Variants in DOCK9 observed in about 807,000 individuals in gnomAD.
DOCK9 encodes the protein dedicator of cytokinesis protein 9.
A neutral mutation model predicts 263.3 loss-of-function variants in DOCK9; 89 were observed. The observed-to-expected ratio is 0.34, with a 90% CI of 0.28 to 0.40. The LOEUF (loss-of-function observed/expected upper bound fraction) is 0.40, where lower values mean the gene tolerates loss of function less well. DOCK9 is among the 10% of genes least tolerant of loss of function. The probability of loss-of-function intolerance (pLI) is 1.00; values close to 1 mark genes in which losing one functional copy is unlikely to be tolerated. For missense variants in DOCK9, 2,140 were observed against 2,603.4 expected (o/e 0.82, Z 3.87); for synonymous variants, 976 against 973.1 (o/e 1.00, Z -0.06).
At position 98,886,524 on chromosome 13, in the gene DOCK9, T is replaced by C. The variant is rs2045715802; in HGVS notation, c.2136+8A>G. ...CAAATTCGGTTTTCCCTTAAAAACA[T>C]CACTTACCTCATCATAAAATTCTGG... On this transcript the variant is annotated splice_region_variant and intron_variant, in intron 19 of 52. Coordinates refer to ENST00000682017, the MANE Select transcript of DOCK9 (RefSeq NM_001366683.2). The C allele has an allele frequency of 6.2e-7, 1 of 1,613,142 alleles. No homozygotes were observed. The highest frequency in any genetic ancestry group is 8.5e-7 in the Non-Finnish European group (1 of 1,179,294).
At chr13:98,996,272 A>G (rs1228834470) in intron 1 of DOCK9, among the ~76,000 whole-genome samples, 3 of 152,114 alleles carry the variant, frequency 2.0e-5, no homozygotes, top group Non-Finnish European at 2.9e-5. Context: ...AATTACCACA[A>G]CCCATCCTTC....
At chr13:99,008,911 T>C (rs1216040049) in intron 1 of DOCK9, among the ~76,000 whole-genome samples, 1 of 152,220 alleles carries the variant, frequency 6.6e-6, no homozygotes, top group Non-Finnish European at 1.5e-5. Context: ...GGGTTAGAGC[T>C]TCAACATATG....
rs1286769701 is a variant in DOCK9, at chr13:98,867,430, T to C, written c.3281A>G (p.Tyr1094Cys). 5 of 1,562,196 alleles carry C rather than the reference T, an allele frequency of 3.2e-6. No individual in the cohort carries two copies. The highest frequency in any genetic ancestry group is 4.4e-6 in the Non-Finnish European group (5 of 1,136,070). The change falls in exon 30 of 53, where the codon TAC becomes TGC. Residue 1094 changes from tyrosine to cysteine, a missense_variant. Tyr to Cys is a radical substitution (Grantham distance 194, BLOSUM62 -2). Transcript: ENST00000682017. ...MPFGKGRIQR[Y>C]QDLQLDYSLT... The stretch of plus-strand genomic sequence containing the variant: ...TAGAAATAAAGATGGATTACCTTGG[T>C]ATCTTTGAATCCTGCCTTTTCCAAA...
chr13:98,906,486 G>A (rs748417413), intron 9 of DOCK9, among the ~76,000 whole-genome samples: 64 of 152,148 alleles, frequency 4.2e-4, no homozygotes, highest in Admixed American at 7.2e-4. Context: ...GTCAGTCTGA[G>A]CTCTCCACTA....
At chr13:98,831,574 C>T in intron 40 of DOCK9, 44 bp from the exon 41 acceptor site, 1 of 1,591,492 alleles carries the variant, frequency 6.3e-7, no homozygotes, top group Non-Finnish European at 8.6e-7. Context: ...ACAGACAGGT[C>T]AGTGCTCGGT....
At chr13:98,950,432 G>A in intron 2 of DOCK9, 1 of 696,606 alleles carries the variant, frequency 1.4e-6, no homozygotes, top group Non-Finnish European at 2.5e-6. Context: ...ATTTTTCTTT[G>A]CTCTTGCTCT....
intron 1 of DOCK9, among the ~76,000 whole-genome samples, chr13:99,072,747 T>C (rs965356691): frequency 1.3e-5 from 2 of 152,186 alleles, no homozygotes; most frequent in African/African-American, 2.4e-5. Context: ...ACATATGTAA[T>C]CCTGGCACTT....
At chr13:98,915,609 CA>C in intron 7 of DOCK9, 106 bp from the exon 8 acceptor site, 7 of 1,144,482 alleles carry the variant, frequency 6.1e-6, no homozygotes, top group Non-Finnish European at 7.2e-6. Context: ...CATTTAGAAC[CA>C]AGCTATTTTA....
chr13:98,852,832 T>C (rs1050811744), intron 35 of DOCK9, among the ~76,000 whole-genome samples: 2 of 152,274 alleles, frequency 1.3e-5, no homozygotes, highest in African/African-American at 4.8e-5. Flanking sequence ...TTCATAGTTC[T>C]GCTCATTCTT....
chr13:98,925,858 C>T lies in DOCK9; in HGVS notation c.395G>A (p.Gly132Glu), dbSNP rs867009890. 1.3e-6 allele frequency: 2 copies of T among 1,577,152 alleles called. No individual in the cohort carries two copies. The highest frequency in any genetic ancestry group is 1.7e-6 in the Non-Finnish European group (2 of 1,160,360). The change falls in exon 4 of 53, where the codon GGA becomes GAA. Residue 132 changes from glycine (G) to glutamate (E), a missense_variant. Physicochemically the swap from Gly to Glu is moderately conservative, Grantham distance 98. Around this residue, in one of 2 missense-constraint regions of DOCK9, gnomAD observed 1,521 missense variants for 1,741.7 expected, o/e 0.87. Transcript: ENST00000682017. ...LVNYKYEDYS[G>E]EFRQLPNKVV... Reference sequence around the variant, plus strand: ...TCACTTCGGAAGCTGTCGAAACTCTCCTGAGTAATCTTCATATTTATAGTT... The same window carrying T: ...TCACTTCGGAAGCTGTCGAAACTCTTCTGAGTAATCTTCATATTTATAGTT...
chr13:98,959,795 C>A (rs2058438024), intron 1 of DOCK9, among the ~76,000 whole-genome samples: 1 of 152,152 alleles, frequency 6.6e-6, no homozygotes. Flanking sequence ...GCTTGGGAGA[C>A]TTGGAGGTGG....
intron 27 of DOCK9, chr13:98,872,000 C>A (rs1020505088): frequency 6.6e-6 from 1 of 152,658 alleles, no homozygotes; most frequent in South Asian, 2.1e-4. Context: ...CCCCTGTGGA[C>A]GCTGCGGTTA....
chr13:98,932,159 G>A (rs2054055905), intron 2 of DOCK9, among the ~76,000 whole-genome samples: 1 of 152,116 alleles, frequency 6.6e-6, no homozygotes, highest in African/African-American at 2.4e-5. Flanking sequence ...TTGGGAGGCT[G>A]AGGTGGGTGG....
intron 7 of DOCK9, among the ~76,000 whole-genome samples, chr13:98,919,343 T>C (rs1350892698): frequency 1.3e-5 from 2 of 152,058 alleles, no homozygotes; most frequent in Non-Finnish European, 2.9e-5. Context: ...CTCCTGACCA[T>C]CCGCCTCTGC....
Position 98,920,950 on chromosome 13 carries a change from T to G in DOCK9, c.717+4A>C. 1 of 1,594,190 alleles carries G rather than the reference T, an allele frequency of 6.3e-7. No homozygotes were observed. The highest frequency in any genetic ancestry group is 8.5e-7 in the Non-Finnish European group (1 of 1,171,586). ...CATAATGGTAAAACTCTTTTCATAT[T>G]TACCTGAACGACACCCATACAGGAA... On this transcript the variant is annotated splice_donor_region_variant and intron_variant, in intron 7 of 52. Coordinates refer to ENST00000682017, the MANE Select transcript of DOCK9 (RefSeq NM_001366683.2).
At chr13:99,083,473 T>C (rs752336420) in intron 1 of DOCK9, among the ~76,000 whole-genome samples, 1 of 152,158 alleles carries the variant, frequency 6.6e-6, no homozygotes, top group Non-Finnish European at 1.5e-5. Context: ...ACTAGTTATA[T>C]AGAGGTGAAA....
At chr13:98,850,390 C>T (rs1266929777) in intron 35 of DOCK9, among the ~76,000 whole-genome samples, 20 of 152,176 alleles carry the variant, frequency 1.3e-4, no homozygotes, top group Non-Finnish European at 2.4e-4. Context: ...TTAACTTATT[C>T]GTAACATGCT....
At chr13:98,979,457 G>T (rs145185021), upstream of DOCK9, among the ~76,000 whole-genome samples, 2 of 152,116 alleles carry the variant, frequency 1.3e-5, no homozygotes, top group East Asian at 3.9e-4. Context: ...TCGCACAGCC[G>T]CCTCCCTCTC....
At chr13:98,923,175 T>A in intron 5 of DOCK9, 127 bp downstream of exon 5, 2 of 838,090 alleles carry the variant, frequency 2.4e-6, no homozygotes, top group Non-Finnish European at 3.9e-6. Context: ...ATTATTCCCG[T>A]TTCATGTAAC....
Sources: allele counts gnomAD v4.1 joint callset (sites outside exome capture counted in the v4.1 genomes callset), GRCh38; gene constraint gnomAD v4.1.1; regional missense constraint gnomAD v4.1.1; transcripts MANE v1.5; gene names NCBI Gene and HGNC (gene_info 2026-07-23, HGNC 2026-07-21).